Variants in ERC1 observed in about 807,000 individuals in gnomAD.
The protein encoded by ERC1 is RAB6 interacting protein 2.
Under a neutral mutation model 132.0 loss-of-function variants are expected in ERC1, and 56 were observed. The ratio of observed to expected loss-of-function variants is 0.42; its 90% CI spans 0.34 to 0.53. The LOEUF (loss-of-function observed/expected upper bound fraction) is 0.53. Among genes scored for constraint, ERC1 ranks in the 20% least tolerant of loss-of-function variants. The probability of loss-of-function intolerance (pLI) is 0.03; values close to 1 mark genes in which losing one functional copy is unlikely to be tolerated. For missense variants in ERC1, 1,202 were observed against 1,349.9 expected, an observed-to-expected ratio of 0.89 and a Z score of 1.72; for synonymous variants, 478 against 476.1, an observed-to-expected ratio of 1.00 and a Z score of -0.05.
intron 16 of ERC1, among the ~76,000 whole-genome samples, chr12:1,406,618 CTTTTT>C (rs1201277231): frequency 6.6e-6 from 1 of 152,080 alleles, no homozygotes; most frequent in Non-Finnish European, 1.5e-5. Flanking sequence ...TTTCTTTTCT[CTTTTT>C]TGTTTGTACT....
At position 1,083,562 on chromosome 12, in the gene ERC1, G is replaced by C. The variant is rs988977776; in HGVS notation, c.1068G>C (p.Glu356Asp). ...LESLLEQKEK[E>D]NSMLREEMHR... is the part of the protein sequence containing the mutation. Reference sequence around the variant, plus strand: ...GCCTTTTGGAGCAGAAGGAAAAAGAGAACAGTATGTTGAGAGAGGTATGTG... The same window carrying C: ...GCCTTTTGGAGCAGAAGGAAAAAGACAACAGTATGTTGAGAGAGGTATGTG... The change falls in exon 3 of 19, where the codon GAG (glutamate) becomes GAC (aspartate). Residue 356 changes from glutamate to aspartate, a missense_variant. Physicochemically the swap from Glu to Asp is conservative, Grantham distance 45. Coordinates refer to ENST00000360905, the MANE Select transcript of ERC1 (RefSeq NM_178040.4). The C allele has an allele frequency of 1.2e-6, 2 of 1,604,120 alleles. No individual in the cohort carries two copies. Among genetic ancestry groups the C allele is most frequent in the Non-Finnish European group, 1.7e-6 (2 of 1,177,388 alleles).
chr12:1,159,567 A>G (rs1951699974), intron 8 of ERC1, among the ~76,000 whole-genome samples: 1 of 152,180 alleles, frequency 6.6e-6, no homozygotes, highest in Non-Finnish European at 1.5e-5. Flanking sequence ...GCCATAGTGA[A>G]TAAGTCAGAT....
At chr12:1,242,358 T>C (rs1437137984) in intron 13 of ERC1, among the ~76,000 whole-genome samples, 1 of 152,192 alleles carries the variant, frequency 6.6e-6, no homozygotes, top group Non-Finnish European at 1.5e-5. Flanking sequence ...ACTAAATTCA[T>C]TCCTCTTTAT....
At position 1,149,339 on chromosome 12, in the gene ERC1, GAGA is replaced by G. The variant is rs966110178; in HGVS notation, c.1737+7556_1737+7558del. ...TTGAAATTTTGTGTAGCACCATTGA[GAGA>G]AGATTAGTGCTTACAGCTGAAACTT... On this transcript the variant is annotated intron_variant, in intron 8 of 18. Coordinates refer to ENST00000360905, the MANE Select transcript of ERC1 (RefSeq NM_178040.4). Among the ~76,000 whole-genome samples, 4 of 152,066 alleles carry G rather than the reference GAGA, an allele frequency of 2.6e-5. No individual in the cohort carries two copies. In the East Asian group the frequency reaches 5.8e-4, roughly 22 times the overall value.
At chr12:1,038,991 C>T (rs1969644795) in intron 2 of ERC1, among the ~76,000 whole-genome samples, 2 of 151,890 alleles carry the variant, frequency 1.3e-5, no homozygotes, top group Non-Finnish European at 2.9e-5. Flanking sequence ...GTTACTTGAG[C>T]CCAGGAGTTC....
chr12:1,394,364 C>T (rs1360531084), intron 16 of ERC1, among the ~76,000 whole-genome samples: 2 of 152,198 alleles, frequency 1.3e-5, no homozygotes, highest in African/African-American at 4.8e-5. Context: ...TGCGCCACTG[C>T]ACTCTAGCCT....
chr12:1,214,139 T>C (rs1471729862), intron 12 of ERC1, among the ~76,000 whole-genome samples: 1 of 152,166 alleles, frequency 6.6e-6, no homozygotes, highest in Non-Finnish European at 1.5e-5. Flanking sequence ...ATTTATGTAC[T>C]ATGTACACCA....
chr12:1,468,694 G>A (rs543815612), intron 18 of ERC1, among the ~76,000 whole-genome samples: 1 of 152,144 alleles, frequency 6.6e-6, no homozygotes, highest in African/African-American at 2.4e-5. Flanking sequence ...AGGCTCTCAG[G>A]GATCACTGTT....
At chr12:1,470,507 C>G (rs2093839439) in intron 18 of ERC1, among the ~76,000 whole-genome samples, 1 of 150,968 alleles carries the variant, frequency 6.6e-6, no homozygotes, top group South Asian at 2.1e-4. Context: ...GAGAGCCAAA[C>G]CAAATACGCT....
chr12:1,055,545 A>T (rs1019382495), intron 2 of ERC1, among the ~76,000 whole-genome samples: 2 of 152,220 alleles, frequency 1.3e-5, no homozygotes, highest in Non-Finnish European at 2.9e-5. Context: ...ATCTTAAATT[A>T]TGTAATGAAT....
intron 14 of ERC1, among the ~76,000 whole-genome samples, chr12:1,272,672 G>A (rs1450459141): frequency 2.0e-5 from 3 of 151,994 alleles, no homozygotes; most frequent in African/African-American, 4.8e-5. Context: ...TGAGTAGGCC[G>A]GGCGCTGTGG....
intron 8 of ERC1, among the ~76,000 whole-genome samples, chr12:1,161,893 T>C (rs958534708): frequency 6.6e-6 from 1 of 152,224 alleles, no homozygotes; most frequent in Non-Finnish European, 1.5e-5. Flanking sequence ...ATTTAAGTAA[T>C]ATTTAAATAT....
chr12:1,474,970 G>T (rs1243145279), intron 18 of ERC1, among the ~76,000 whole-genome samples: 2 of 152,172 alleles, frequency 1.3e-5, no homozygotes, highest in Non-Finnish European at 2.9e-5. Flanking sequence ...GTGATTCTTG[G>T]CTCAAGTCCC....
At chr12:1,384,920 T>C (rs941598486) in intron 16 of ERC1, among the ~76,000 whole-genome samples, 1 of 152,200 alleles carries the variant, frequency 6.6e-6, no homozygotes, top group Non-Finnish European at 1.5e-5. Flanking sequence ...CAGAAAATAA[T>C]TTGGAACATG....
At chr12:1,007,538 CTCTGTGTGTGTG>C (rs1382635630) in intron 1 of ERC1, among the ~76,000 whole-genome samples, 2 of 53,310 alleles carry the variant, frequency 3.8e-5, no homozygotes, top group African/African-American at 7.5e-5. Context: ...CTCTCTCTCT[CTCTGTGTGTGTG>C]TGTGTGTGTG....
chr12:1,276,963 A>T (rs1223006966), intron 14 of ERC1, among the ~76,000 whole-genome samples: 2 of 152,222 alleles, frequency 1.3e-5, no homozygotes, highest in African/African-American at 2.4e-5. Flanking sequence ...GAACAGAAGA[A>T]CTTAAAGGTG....
At chr12:1,438,805 T>G (rs2093015329) in intron 17 of ERC1, among the ~76,000 whole-genome samples, 1 of 151,968 alleles carries the variant, frequency 6.6e-6, no homozygotes, top group African/African-American at 2.4e-5. Flanking sequence ...TAGCCGGGTA[T>G]GGTGGTGCAT....
At chr12:1,328,689 A>G (rs982617054) in intron 15 of ERC1, among the ~76,000 whole-genome samples, 1 of 147,830 alleles carries the variant, frequency 6.8e-6, no homozygotes, top group Non-Finnish European at 1.5e-5. Flanking sequence ...TTAAGATGCT[A>G]CTTCTTCCAT....
intron 8 of ERC1, among the ~76,000 whole-genome samples, chr12:1,159,977 G>A (rs1055889074): frequency 6.6e-6 from 1 of 152,086 alleles, no homozygotes; most frequent in African/African-American, 2.4e-5. Flanking sequence ...CAGGATATGA[G>A]GTATCAACAT....
Sources: gnomAD v4.1 joint callset for allele counts (sites outside exome capture counted in the v4.1 genomes callset) on GRCh38, gnomAD v4.1.1 for gene constraint, MANE v1.5 for transcripts, NCBI Gene and HGNC (gene_info 2026-07-23, HGNC 2026-07-21) for gene names.